PCDH11X: variants seen among roughly 807,000 people sequenced by gnomAD.
The protein encoded by PCDH11X is protocadherin-11 X-linked.
In PCDH11X, 18 loss-of-function variants were observed where a neutral mutation model predicts 53.3. The observed-to-expected ratio is 0.34, with a 90% CI of 0.23 to 0.50. The LOEUF is 0.50. Ranked by LOEUF, PCDH11X falls within the 20% of genes least tolerant of loss-of-function variation. The pLI, the probability that PCDH11X is intolerant of heterozygous loss-of-function variation, is 0.98. For synonymous variants in PCDH11X, 279 were observed against 393.3 expected (o/e 0.71, Z 3.44); for missense variants, 570 against 1,032.4 (o/e 0.55, Z 6.14).
At chrX:92,420,760 G>A (rs1048853928) in intron 9 of PCDH11X, among the ~76,000 whole-genome samples, 1 of 111,452 alleles carries the variant, frequency 9.0e-6, no homozygotes, top group African/African-American at 3.3e-5. Context: ...TGATTGTGGT[G>A]TATCTGGGCA....
intron 8 of PCDH11X, among the ~76,000 whole-genome samples, chrX:92,371,892 T>C (rs2070633015): frequency 9.0e-6 from 1 of 111,461 alleles, no homozygotes; most frequent in Admixed American, 9.6e-5. Flanking sequence ...ATTTGGATCA[T>C]AGTGCCAACA....
At chrX:91,890,444 A>T (rs1940422614) in intron 6 of PCDH11X, among the ~76,000 whole-genome samples, 1 of 98,800 alleles carries the variant, frequency 1.0e-5, no homozygotes, top group Non-Finnish European at 2.2e-5. Context: ...TTTTTCTTTT[A>T]AAAAAATTAT....
intron 4 of PCDH11X, among the ~76,000 whole-genome samples, chrX:91,818,698 CA>C (rs71845262): frequency 0.019 from 1,830 of 95,902 alleles, 21 homozygotes; most frequent in Non-Finnish European, 0.028. Flanking sequence ...GACTCTATCT[CA>C]AAAAAAAAAA....
rs189363120 is a variant in PCDH11X at position 92,135,422 on chromosome X, C to T, written c.3034-65953C>T. On this transcript the variant is annotated intron_variant, in intron 6 of 10. Transcript: ENST00000682573. ...ATAATTTCTTCAAGTATAGTAACAG[C>T]ACTCTTTATTGTATAGGCCATGATG... 2.1e-3 allele frequency among the ~76,000 whole-genome samples: 231 copies of T among 110,374 alleles called. 1 individual carries two copies. Among genetic ancestry groups the T allele is most frequent in the African/African-American group, 7.1e-3 (217 of 30,495 alleles).
chrX:92,421,801 T>C (rs141346170), intron 9 of PCDH11X, among the ~76,000 whole-genome samples: 22,448 of 111,537 alleles, frequency 0.2, 1,945 homozygotes, highest in Middle Eastern at 0.28. Flanking sequence ...ATTTCTCTAA[T>C]GATCAGTGAT....
chrX:92,161,010 T>C (rs751290737), intron 6 of PCDH11X, among the ~76,000 whole-genome samples: 5 of 111,453 alleles, frequency 4.5e-5, no homozygotes, highest in South Asian at 3.8e-4. Context: ...AGCCCACTTT[T>C]TGCTGGGATT....
intron 9 of PCDH11X, among the ~76,000 whole-genome samples, chrX:92,452,646 C>G (rs1412172652): frequency 1.0e-5 from 1 of 96,624 alleles, no homozygotes; most frequent in African/African-American, 3.8e-5. Context: ...TACAGGCATG[C>G]CCCACCACAC....
chrX:92,387,405 A>G (rs1415227676), intron 8 of PCDH11X, among the ~76,000 whole-genome samples: 1 of 112,412 alleles, frequency 8.9e-6, no homozygotes, highest in Non-Finnish European at 1.9e-5. Context: ...AATAATACCT[A>G]AATAAATACA....
intron 8 of PCDH11X, among the ~76,000 whole-genome samples, chrX:92,274,288 T>G (rs2148431629): frequency 9.2e-6 from 1 of 108,319 alleles, no homozygotes; most frequent in Non-Finnish European, 1.9e-5. Context: ...AAAAGACCTT[T>G]AGTCCGTTCT....
At chrX:92,328,829 T>C (rs2069396088) in intron 8 of PCDH11X, among the ~76,000 whole-genome samples, 1 of 109,763 alleles carries the variant, frequency 9.1e-6, no homozygotes, top group Non-Finnish European at 1.9e-5. Context: ...CTTAGGTGGC[T>C]TCACTAGGAA....
At chrX:92,569,740 G>A (rs767454851) in intron 10 of PCDH11X, 81 of 242,636 alleles carry the variant, frequency 3.3e-4, no homozygotes, top group African/African-American at 6.4e-4. Flanking sequence ...TTCATTGGCC[G>A]GGCACAGTGG....
In PCDH11X at chrX:91,809,525, T is replaced by A. The variant is rs1936231289; in HGVS notation, c.-319T>A. Reference sequence around the variant, plus strand: ...TGAATGGATGGAAGAGGATGGAATATCTTAACAAAACACATTTTCCTTAAG... The same window carrying A: ...TGAATGGATGGAAGAGGATGGAATAACTTAACAAAACACATTTTCCTTAAG... On this transcript the variant is annotated 5_prime_UTR_variant, in exon 2 of 11. It introduces an in-frame stop codon into an upstream open reading frame of the 5' UTR. Transcript: ENST00000682573. Among the ~76,000 whole-genome samples, 2 of 106,414 alleles carry A rather than the reference T, an allele frequency of 1.9e-5. No homozygotes were observed. The highest frequency in any genetic ancestry group is 3.4e-5 in the African/African-American group (1 of 29,277). The allele number at this position is 106,414 out of a possible 115,157, so 92.4% of individuals were successfully genotyped here.
intron 6 of PCDH11X, among the ~76,000 whole-genome samples, chrX:92,094,962 T>C (rs2064111534): frequency 9.0e-6 from 1 of 111,560 alleles, no homozygotes; most frequent in South Asian, 3.7e-4. Flanking sequence ...ATCAAAGATA[T>C]ATCCAAGAAC....
chrX:92,326,622 C>CTATATATATATATATATATATATATA (rs1160866218), intron 8 of PCDH11X, among the ~76,000 whole-genome samples: 4 of 45,801 alleles, frequency 8.7e-5, no homozygotes, highest in Admixed American at 3.3e-4. Context: ...TTTTAATAAA[C>CTATATATATATATATATATATATATA]TATATATATA....
intron 8 of PCDH11X, among the ~76,000 whole-genome samples, chrX:92,379,597 T>G (rs1466663804): frequency 9.0e-6 from 1 of 111,230 alleles, no homozygotes; most frequent in Non-Finnish European, 1.9e-5. Flanking sequence ...ATGTCCCTGG[T>G]GAAGTCCCAC....
At chrX:91,919,041 T>C (rs1249333269) in intron 6 of PCDH11X, among the ~76,000 whole-genome samples, 1 of 111,625 alleles carries the variant, frequency 9.0e-6, no homozygotes, top group Non-Finnish European at 1.9e-5. Context: ...AATTAAGGAA[T>C]ACAAAGGAAC....
chrX:92,066,050 A>G (rs2063603361), intron 6 of PCDH11X, among the ~76,000 whole-genome samples: 1 of 107,322 alleles, frequency 9.3e-6, no homozygotes, highest in Non-Finnish European at 1.9e-5. Context: ...GACAGAGATC[A>G]AGTTTCATTC....
chrX:92,429,727 G>A (rs1406649145), intron 9 of PCDH11X, among the ~76,000 whole-genome samples: 2 of 103,699 alleles, frequency 1.9e-5, no homozygotes, highest in African/African-American at 3.5e-5. Context: ...AGCCCATAGC[G>A]GTGCCATGCA....
At chrX:92,318,637 A>G (rs1216300464) in intron 8 of PCDH11X, among the ~76,000 whole-genome samples, 1 of 111,788 alleles carries the variant, frequency 8.9e-6, no homozygotes, top group East Asian at 2.8e-4. Flanking sequence ...GGACAGCACC[A>G]TTATTATTTC....
Sources: gnomAD v4.1 joint callset for allele counts (sites outside exome capture counted in the v4.1 genomes callset) on GRCh38, gnomAD v4.1.1 for gene constraint, MANE v1.5 for transcripts, NCBI Gene and HGNC (gene_info 2026-07-23, HGNC 2026-07-21) for gene names.